PIK3IP1: variants seen among roughly 807,000 people sequenced by gnomAD.
The protein encoded by PIK3IP1 is phosphoinositide-3-kinase-interacting protein 1.
PIK3IP1 carries 28 observed loss-of-function variants against 30.7 expected under a neutral mutation model. The observed-to-expected ratio is 0.91, with a 90% confidence interval of 0.68 to 1.25. The LOEUF is 1.25. PIK3IP1 is among the 50% of genes most tolerant of loss of function. PIK3IP1 has a pLI of 0.00. For synonymous variants in PIK3IP1, 159 were observed against 140.8 expected, an observed-to-expected ratio of 1.13 and a Z score of -0.91; for missense variants, 333 against 346.2, an observed-to-expected ratio of 0.96 and a Z score of 0.30.
intron 3 of PIK3IP1, chr22:31,289,918 G>A: frequency 1.9e-6 from 1 of 517,984 alleles, no homozygotes; most frequent in Non-Finnish European, 3.5e-6. Flanking sequence ...CCGTAGGGAA[G>A]GGCTTCTCTC....
In PIK3IP1 at chr22:31,283,574, A is replaced by C. The variant is rs561067383; in HGVS notation, c.588-286T>G. ...ACAGCTTCACCGGGGCTCAATGAAAATAAAGTAAAGGACAGAGACTTTTTT... is the reference window on the plus strand; with the variant it reads ...ACAGCTTCACCGGGGCTCAATGAAACTAAAGTAAAGGACAGAGACTTTTTT... On this transcript the variant is annotated intron_variant, in intron 5 of 5. Transcript: ENST00000215912. Among the ~76,000 whole-genome samples the C allele has an allele frequency of 4.1e-4, 62 of 152,230 alleles. No homozygotes were observed. The Middle Eastern group carries it at 0.01, about 25-fold the overall frequency.
Position 31,289,619 on chromosome 22 carries a change from C to T in PIK3IP1, c.388G>A (p.Val130Met), listed in dbSNP as rs1462283910. 6.4e-7 allele frequency: 1 copy of T among 1,557,234 alleles called. No homozygotes were observed. Among genetic ancestry groups the T allele is most frequent in the Middle Eastern group, 1.7e-4 (1 of 5,992 alleles). ...SEGPGADEVQVFAPANALPAR... is the reference protein window; with the variant it reads ...SEGPGADEVQMFAPANALPAR... Reference sequence around the variant, plus strand: ...GGCAGGGCGTTGGCAGGAGCGAACACCTGCACCTCATCTGCACCTGGCCCT... The same window carrying T: ...GGCAGGGCGTTGGCAGGAGCGAACATCTGCACCTCATCTGCACCTGGCCCT... Residue 130 changes from valine (V) to methionine (M), a missense_variant, in exon 4 of 6, where the codon GTG (valine) becomes ATG (methionine). This residue lies in a region of PIK3IP1 where 217 missense variants were observed against 227.7 expected (regional missense o/e 0.95). Transcript: ENST00000215912.
intron 5 of PIK3IP1, among the ~76,000 whole-genome samples, chr22:31,284,399 TAAAG>T (rs1345564075): frequency 6.6e-6 from 1 of 151,920 alleles, no homozygotes; most frequent in African/African-American, 2.4e-5. Context: ...CAGTCAAGGG[TAAAG>T]AAAGCAGATG....
At position 31,281,940 on chromosome 22, in the gene PIK3IP1, T is replaced by C. The variant is rs1034178014; in HGVS notation, c.*1144A>G. 6.6e-6 allele frequency: 1 copy of C among 152,454 alleles called. No individual in the cohort carries two copies. Among genetic ancestry groups the C allele is most frequent in the African/African-American group, 2.4e-5 (1 of 41,466 alleles). 9.4% of individuals were successfully genotyped at this position (152,454 alleles called of 1,614,324 possible). On this transcript the variant is annotated 3_prime_UTR_variant, in exon 6 of 6. Transcript: ENST00000215912. ...CTGCTAGCACAGTGCAGTGGAGAAATGTTGCGCTCCGTCAGGAAGCTGGGC... is the reference window on the plus strand; with the variant it reads ...CTGCTAGCACAGTGCAGTGGAGAAACGTTGCGCTCCGTCAGGAAGCTGGGC...
intron 5 of PIK3IP1, among the ~76,000 whole-genome samples, chr22:31,286,254 T>C (rs1345695447): frequency 1.3e-5 from 2 of 152,198 alleles, no homozygotes; most frequent in Non-Finnish European, 2.9e-5. Context: ...TATTACCTGA[T>C]TGGTGTGCTA....
chr22:31,290,870 C>A, intron 3 of PIK3IP1, 95 bp downstream of exon 3: 1 of 1,425,544 alleles, frequency 7.0e-7, no homozygotes, highest in Non-Finnish European at 9.2e-7. Context: ...GGAGCGGGGC[C>A]GGCCGGCATC....
chr22:31,287,074 G>A (rs2049137066), intron 5 of PIK3IP1, among the ~76,000 whole-genome samples: 1 of 138,958 alleles, frequency 7.2e-6, no homozygotes, highest in African/African-American at 2.7e-5. Flanking sequence ...AGGCTGGAGT[G>A]CAGTGGCACA....
chr22:31,288,546 G>T (rs987120017), intron 5 of PIK3IP1, among the ~76,000 whole-genome samples: 1 of 152,218 alleles, frequency 6.6e-6, no homozygotes, highest in South Asian at 2.1e-4. Flanking sequence ...CAAATCCCCC[G>T]ATTTTGCCCA....
chr22:31,284,255 C>T (rs1055907751), intron 5 of PIK3IP1, among the ~76,000 whole-genome samples: 2 of 152,226 alleles, frequency 1.3e-5, no homozygotes, highest in African/African-American at 2.4e-5. Context: ...TTAACTTCCG[C>T]GCCTTGCTTT....
At chr22:31,287,310 C>A (rs2049139002) in intron 5 of PIK3IP1, among the ~76,000 whole-genome samples, 1 of 148,772 alleles carries the variant, frequency 6.7e-6, no homozygotes, top group Admixed American at 6.8e-5. Flanking sequence ...TGAGCCACTA[C>A]GCCTGGTCCA....
chr22:31,289,967 T>A, intron 3 of PIK3IP1: 1 of 396,592 alleles, frequency 2.5e-6, no homozygotes, highest in Non-Finnish European at 4.6e-6. Flanking sequence ...TCCTTGCTAT[T>A]TCCCAAGGCC....
At chr22:31,284,764 G>C (rs942466836) in intron 5 of PIK3IP1, among the ~76,000 whole-genome samples, 7 of 152,260 alleles carry the variant, frequency 4.6e-5, no homozygotes, top group Non-Finnish European at 7.4e-5. Flanking sequence ...TCTGAAGCTA[G>C]TGCAGACAGT....
intron 5 of PIK3IP1, among the ~76,000 whole-genome samples, chr22:31,287,445 C>T (rs2049140757): frequency 6.6e-6 from 1 of 151,410 alleles, no homozygotes; most frequent in African/African-American, 2.4e-5. Context: ...ATTCTCCTGC[C>T]TCAGCCTCCC....
intron 5 of PIK3IP1, among the ~76,000 whole-genome samples, chr22:31,287,434 G>A (rs921908521): frequency 3.4e-5 from 5 of 149,174 alleles, no homozygotes; most frequent in Non-Finnish European, 7.4e-5. Flanking sequence ...AGGTTCAAGC[G>A]ATTCTCCTGC....
intron 5 of PIK3IP1, among the ~76,000 whole-genome samples, chr22:31,287,126 T>C (rs1044111621): frequency 1.4e-5 from 2 of 144,938 alleles, no homozygotes; most frequent in African/African-American, 5.1e-5. Flanking sequence ...CAGGTGATCC[T>C]CCCATCTCAG....
Position 31,282,971 on chromosome 22 carries a change from G to A in PIK3IP1, c.*113C>T. The A allele has an allele frequency of 1.3e-6, 1 of 799,646 alleles. No homozygotes were observed. The allele number at this position is 799,646 out of a possible 1,614,324, so 49.5% of individuals were successfully genotyped here. A position where few individuals can be genotyped will look rare whatever the true frequency, so the allele number is the denominator to read the frequency against. ...ACTCTTACTAGGATTCGCCAAAAAA[G>A]CGGGGGAGTGGTAGGGTTTTAACCA... On this transcript the variant is annotated 3_prime_UTR_variant, in exon 6 of 6. Transcript: ENST00000215912.
Position 31,291,202 on chromosome 22 carries a change from C to T in PIK3IP1, c.165G>A (p.Gly55=). The T allele has an allele frequency of 6.5e-7, 1 of 1,548,844 alleles. No individual in the cohort carries two copies. The highest frequency in any genetic ancestry group is 8.7e-7 in the Non-Finnish European group (1 of 1,146,256). Residue 55 remains glycine, a synonymous_variant, in exon 2 of 6, where the codon GGG becomes GGA. Coordinates refer to ENST00000215912, the MANE Select transcript of PIK3IP1 (RefSeq NM_052880.5). The stretch of plus-strand genomic sequence containing the variant: ...TACCCGACACGGGGGCCGAGGCCAG[C>T]CCGCTCTGCGCGTCCAGCCAGTTGA... ...RCLNWLDAQS[G]LASAPVSGAG...
chr22:31,290,813 G>T, intron 3 of PIK3IP1, 152 bp downstream of exon 3: 3 of 1,188,972 alleles, frequency 2.5e-6, no homozygotes, highest in Non-Finnish European at 3.3e-6. Flanking sequence ...TAGGCTTTGA[G>T]CCCCGCGGCC....
intron 5 of PIK3IP1, chr22:31,288,969 C>T (rs1240834454): frequency 2.1e-6 from 1 of 466,630 alleles, no homozygotes; most frequent in Non-Finnish European, 3.8e-6. Context: ...ACTTCAATGC[C>T]AGGCATGTGG....
Sources: gnomAD v4.1 joint callset for allele counts (sites outside exome capture counted in the v4.1 genomes callset) on GRCh38, gnomAD v4.1.1 for gene constraint, gnomAD v4.1.1 regional missense constraint, MANE v1.5 for transcripts, NCBI Gene and HGNC (gene_info 2026-07-23, HGNC 2026-07-21) for gene names.